CTBS: variants seen among roughly 807,000 people sequenced by gnomAD.
The protein encoded by CTBS is chitobiase, also known as di-N-acetylchitobiase.
A neutral mutation model predicts 44.3 loss-of-function variants in CTBS; 35 were observed. The observed-to-expected ratio is 0.79, with a 90% CI of 0.60 to 1.05. CTBS has a LOEUF of 1.05. Among genes scored for constraint, CTBS ranks in the 50% least tolerant of loss-of-function variants. The pLI is 0.00. For missense variants in CTBS, 458 were observed against 475.3 expected (o/e 0.96, Z 0.34); for synonymous variants, 143 against 168.0 (o/e 0.85, Z 1.15).
intron 6 of CTBS, among the ~76,000 whole-genome samples, chr1:84,559,773 C>T (rs4906999): frequency 0.013 from 1,964 of 152,204 alleles, 30 homozygotes; most frequent in Non-Finnish European, 0.022. Flanking sequence ...CAAAATGTTT[C>T]CTGAATTCTA....
chr1:84,563,682 C>T (rs1684635980), intron 5 of CTBS, 53 bp downstream of exon 5: 3 of 1,060,962 alleles, frequency 2.8e-6, no homozygotes, highest in Non-Finnish European at 4.0e-6. Flanking sequence ...AACAGAGAGA[C>T]TCTAAAAAAT....
At chr1:84,572,214 CTTAATTTTTT>C (rs568010225) in intron 1 of CTBS, among the ~76,000 whole-genome samples, 181 of 151,882 alleles carry the variant, frequency 1.2e-3, no homozygotes, top group African/African-American at 3.9e-3. Context: ...CCAGGCATTT[CTTAATTTTTT>C]TTAATTTTTT....
At chr1:84,556,875 T>C (rs1558622799) in intron 6 of CTBS, among the ~76,000 whole-genome samples, 1 of 152,196 alleles carries the variant, frequency 6.6e-6, no homozygotes, top group Non-Finnish European at 1.5e-5. Flanking sequence ...AAGCCATGCA[T>C]GCCCTAGTAA....
chr1:84,570,553 C>A, intron 2 of CTBS, 29 bp downstream of exon 2: 1 of 1,573,820 alleles, frequency 6.4e-7, no homozygotes, highest in Non-Finnish European at 8.6e-7. Context: ...TTCCCAATTG[C>A]TGCACACATA....
intron 1 of CTBS, among the ~76,000 whole-genome samples, chr1:84,571,515 T>G (rs1008311878): frequency 2.0e-5 from 3 of 152,258 alleles, no homozygotes; most frequent in Non-Finnish European, 2.9e-5. Flanking sequence ...GTTGTGTTTC[T>G]CTGATATTTT....
intron 6 of CTBS, among the ~76,000 whole-genome samples, chr1:84,563,043 A>G (rs1684623661): frequency 1.3e-5 from 2 of 152,324 alleles, no homozygotes; most frequent in South Asian, 4.1e-4. Flanking sequence ...TGGCCCAAGC[A>G]GAGTAGATTC....
chr1:84,561,184 G>A (rs985708329), intron 6 of CTBS, among the ~76,000 whole-genome samples: 13 of 152,206 alleles, frequency 8.5e-5, no homozygotes, highest in African/African-American at 2.9e-4. Context: ...ATTCATGCAT[G>A]GGAGGAGGTC....
intron 3 of CTBS, 77 bp from the exon 4 acceptor site, chr1:84,566,089 A>T (rs1684694747): frequency 1.2e-6 from 1 of 860,442 alleles, no homozygotes; most frequent in Non-Finnish European, 1.6e-6. Context: ...AATTATATAT[A>T]TTTTTTACCT....
rs1032879836 is a variant in CTBS, at chr1:84,551,507, T to C, written c.*3492A>G. ...CTATTGATATTGAGCACTTGAAATG[T>C]AGTTTGTGTGACTGAGGAACTGAAT... On this transcript the variant is annotated 3_prime_UTR_variant, in exon 7 of 7. Transcript: ENST00000370630. The C allele has an allele frequency of 6.2e-6, 1 of 161,522 alleles. No individual in the cohort carries two copies. The highest frequency in any genetic ancestry group is 1.3e-5 in the Non-Finnish European group (1 of 76,638). The allele number at this position is 161,522 out of a possible 1,614,324, so 10.0% of individuals were successfully genotyped here.
intron 3 of CTBS, 65 bp from the exon 4 acceptor site, chr1:84,566,077 A>T (rs1015137760): frequency 2.7e-5 from 27 of 1,001,126 alleles, no homozygotes; most frequent in African/African-American, 1.2e-4. Context: ...TCAGATTTTT[A>T]AAATTATATA....
chr1:84,570,218 G>T, intron 2 of CTBS, 79 bp from the exon 3 acceptor site: 1 of 1,153,958 alleles, frequency 8.7e-7, no homozygotes, highest in East Asian at 2.4e-5. Context: ...CTTAACTGAA[G>T]TTTTCCAATG....
chr1:84,551,841 G>C lies in CTBS; in HGVS notation c.*3158C>G, dbSNP rs1684282468. 6.6e-6 allele frequency: 1 copy of C among 152,128 alleles called. No homozygotes were observed. The highest frequency in any genetic ancestry group is 2.4e-5 in the African/African-American group (1 of 41,428). 9.4% of individuals were successfully genotyped at this position (152,128 alleles called of 1,614,324 possible). ...ACTTGTACACTTAATAATTGGGTAG[G>C]TAGGAAGGAGTAATAAAAATGCCCC... On this transcript the variant is annotated 3_prime_UTR_variant, in exon 7 of 7. Coordinates refer to ENST00000370630, the MANE Select transcript of CTBS (RefSeq NM_004388.3).
At position 84,563,750 on chromosome 1, in the gene CTBS, G is replaced by A; in HGVS notation, c.780C>T (p.Cys260=). The change falls in exon 5 of 7, where the codon TGC becomes TGT. Residue 260 remains cysteine, a synonymous_variant. Coordinates refer to ENST00000370630, the MANE Select transcript of CTBS (RefSeq NM_004388.3). The part of the protein sequence containing the change: ...GVPWYGYDYT[C]LNLSEDHVCT... ...CTGTTCCTACCTCAGACAGATTCAG[G>A]CAGGTATAATCATAACCATACCAAG... 1.3e-6 allele frequency: 2 copies of A among 1,591,162 alleles called. No homozygotes were observed. Among genetic ancestry groups the A allele is most frequent in the Non-Finnish European group, 1.7e-6 (2 of 1,165,914 alleles).
At chr1:84,560,129 GA>G (rs1276676723) in intron 6 of CTBS, among the ~76,000 whole-genome samples, 1 of 136,712 alleles carries the variant, frequency 7.3e-6, no homozygotes, top group African/African-American at 2.8e-5. Context: ...AAGAAAGAAA[GA>G]AAGGAAAGAA....
chr1:84,561,709 G>T (rs1353400284), intron 6 of CTBS, among the ~76,000 whole-genome samples: 1 of 152,116 alleles, frequency 6.6e-6, no homozygotes, highest in Non-Finnish European at 1.5e-5. Flanking sequence ...CCACCACCCT[G>T]ATCAGTCAGC....
chr1:84,572,711 G>A (rs1361129986), intron 1 of CTBS, among the ~76,000 whole-genome samples: 3 of 151,602 alleles, frequency 2.0e-5, no homozygotes, highest in Non-Finnish European at 4.4e-5. Context: ...TGTCGCCCAG[G>A]CTGGAGTGCA....
At chr1:84,555,708 G>A (rs1684409840) in intron 6 of CTBS, among the ~76,000 whole-genome samples, 2 of 152,132 alleles carry the variant, frequency 1.3e-5, no homozygotes, top group African/African-American at 4.8e-5. Flanking sequence ...AATCACTTGC[G>A]GAGCTTTTAA....
At chr1:84,558,589 C>A (rs974422654) in intron 6 of CTBS, among the ~76,000 whole-genome samples, 1 of 148,178 alleles carries the variant, frequency 6.7e-6, no homozygotes, top group African/African-American at 2.6e-5. Context: ...CCGCGCCCGG[C>A]CACTTTTTTT....
chr1:84,569,759 T>C (rs1570475728), intron 3 of CTBS, among the ~76,000 whole-genome samples, 172 bp downstream of exon 3: 1 of 152,224 alleles, frequency 6.6e-6, no homozygotes. Flanking sequence ...TTTAGGGCTT[T>C]AAAATTCCTT....
Sources: allele counts gnomAD v4.1 joint callset (sites outside exome capture counted in the v4.1 genomes callset), GRCh38; gene constraint gnomAD v4.1.1; transcripts MANE v1.5; gene names NCBI Gene and HGNC (gene_info 2026-07-23, HGNC 2026-07-21).